Variants in DMD observed in about 807,000 individuals in gnomAD.
DMD encodes the protein dystrophin.
In DMD, 63 loss-of-function variants were observed where a neutral mutation model predicts 330.1. The observed-to-expected ratio is 0.19, with a 90% CI of 0.16 to 0.24. The LOEUF (loss-of-function observed/expected upper bound fraction) is 0.24. DMD is among the 10% of genes least tolerant of loss of function. The pLI is 1.00. For missense variants in DMD, 3,344 were observed against 2,684.1 expected (o/e 1.25, Z -5.43); for synonymous variants, 1,223 against 959.8 (o/e 1.27, Z -5.07).
intron 51 of DMD, among the ~76,000 whole-genome samples, chrX:31,749,123 T>A (rs190327788): frequency 7.8e-5 from 8 of 102,492 alleles, no homozygotes; most frequent in African/African-American, 2.2e-4. Flanking sequence ...TTTCTTTTTT[T>A]AATTATTTTG....
intron 1 of DMD, among the ~76,000 whole-genome samples, chrX:33,106,738 C>T (rs891724370): frequency 9.8e-5 from 11 of 111,777 alleles, no homozygotes; most frequent in African/African-American, 3.6e-4. Flanking sequence ...TATTCACTTC[C>T]AACAGAGATT....
At chrX:31,548,338 C>A (rs377085105) in intron 55 of DMD, among the ~76,000 whole-genome samples, 1 of 111,254 alleles carries the variant, frequency 9.0e-6, no homozygotes, top group African/African-American at 3.3e-5. Flanking sequence ...CTTGCCAGGT[C>A]ATTCTTAAGC....
At chrX:31,244,142 C>G (rs769605641) in intron 63 of DMD, among the ~76,000 whole-genome samples, 5 of 111,720 alleles carry the variant, frequency 4.5e-5, no homozygotes, top group Non-Finnish European at 9.4e-5. Context: ...CTTACAGAAA[C>G]CCATCATAAA....
intron 59 of DMD, among the ~76,000 whole-genome samples, chrX:31,462,412 G>A (rs1031574685): frequency 2.7e-5 from 3 of 111,474 alleles, no homozygotes; most frequent in Admixed American, 9.5e-5. Flanking sequence ...CCTGGGAGGC[G>A]GAGGTTGCAG....
At chrX:31,803,889 C>T (rs1164768864) in intron 50 of DMD, among the ~76,000 whole-genome samples, 1 of 108,037 alleles carries the variant, frequency 9.3e-6, no homozygotes, top group African/African-American at 3.4e-5. Context: ...AGTAGAGACA[C>T]GGTTTCTCCA....
intron 23 of DMD, among the ~76,000 whole-genome samples, chrX:32,468,241 A>G (rs1020571606): frequency 9.0e-6 from 1 of 111,170 alleles, no homozygotes; most frequent in Admixed American, 9.7e-5. Context: ...TTATTAAACT[A>G]AAAACATGTT....
At chrX:32,911,167 A>C (rs958541441) in intron 2 of DMD, among the ~76,000 whole-genome samples, 2 of 112,487 alleles carry the variant, frequency 1.8e-5, no homozygotes, top group Admixed American at 1.9e-4. Context: ...CTGAAGGTCC[A>C]TGATAGTGCC....
rs760048714 is a variant in DMD at position 31,836,794 on chromosome X, T to A, written c.7124A>T (p.Lys2375Ile). 1.7e-6 allele frequency: 2 copies of A among 1,211,434 alleles called. No homozygotes were observed. Among genetic ancestry groups the A allele is most frequent in the Non-Finnish European group, 2.2e-6 (2 of 895,135 alleles). ...VKETEIAVQAKQPDVEEILSK... is the reference protein window; with the variant it reads ...VKETEIAVQAIQPDVEEILSK... ...CAAAATCTCTTCCACATCCGGTTGT[T>A]TAGCTTGAACTGCTATTTCAGTTTC... is the stretch of plus-strand genomic sequence containing the variant. Residue 2375 changes from lysine to isoleucine, a missense_variant, in exon 49 of 79, where the codon AAA becomes ATA. Coordinates refer to ENST00000357033, the MANE Select transcript of DMD (RefSeq NM_004006.3).
intron 7 of DMD, among the ~76,000 whole-genome samples, chrX:32,723,269 G>A (rs1024954683): frequency 4.5e-5 from 5 of 111,063 alleles, no homozygotes; most frequent in Non-Finnish European, 9.5e-5. Flanking sequence ...TTGTGTCCTA[G>A]GGCTAAACCC....
chrX:32,738,008 C>G (rs1442210230), intron 7 of DMD, among the ~76,000 whole-genome samples: 1 of 111,323 alleles, frequency 9.0e-6, no homozygotes, highest in Non-Finnish European at 1.9e-5. Context: ...AGAGTTGATA[C>G]CATATAAATT....
At chrX:32,619,185 T>C (rs922586806) in intron 11 of DMD, among the ~76,000 whole-genome samples, 2 of 111,476 alleles carry the variant, frequency 1.8e-5, no homozygotes, top group Non-Finnish European at 3.8e-5. Context: ...TGGAGGATAT[T>C]ATGTTAAGTG....
intron 60 of DMD, among the ~76,000 whole-genome samples, chrX:31,422,155 G>T (rs1232519851): frequency 5.6e-5 from 6 of 106,510 alleles, no homozygotes; most frequent in Non-Finnish European, 1.2e-4. Context: ...ATGGGTGCAT[G>T]CCACCACACC....
At chrX:32,110,774 G>A (rs948981190) in intron 44 of DMD, among the ~76,000 whole-genome samples, 1 of 111,959 alleles carries the variant, frequency 8.9e-6, no homozygotes, top group African/African-American at 3.2e-5. Context: ...AGGTTCTTGG[G>A]TAAATCTGGT....
At chrX:32,040,221 C>T (rs1310604889) in intron 44 of DMD, among the ~76,000 whole-genome samples, 3 of 111,702 alleles carry the variant, frequency 2.7e-5, no homozygotes, top group African/African-American at 9.8e-5. Context: ...GTGACAAAAT[C>T]CTTCATAACT....
At chrX:31,926,150 T>A (rs2094772104) in intron 47 of DMD, among the ~76,000 whole-genome samples, 1 of 107,628 alleles carries the variant, frequency 9.3e-6, no homozygotes. Context: ...GAGGCTAGCT[T>A]TAATAACATC....
intron 52 of DMD, among the ~76,000 whole-genome samples, chrX:31,686,812 A>C (rs1360675680): frequency 8.9e-6 from 1 of 112,132 alleles, no homozygotes; most frequent in Non-Finnish European, 1.9e-5. Flanking sequence ...GGTCTCCCAC[A>C]TGACCTAGGG....
At chrX:32,335,661 CAT>C (rs760822630) in intron 41 of DMD, among the ~76,000 whole-genome samples, 2 of 107,594 alleles carry the variant, frequency 1.9e-5, no homozygotes, top group African/African-American at 3.3e-5. Context: ...ATATACATAA[CAT>C]ATACATAATA....
chrX:32,739,909 T>C (rs143276631), intron 7 of DMD, among the ~76,000 whole-genome samples: 97 of 110,374 alleles, frequency 8.8e-4, no homozygotes, highest in Middle Eastern at 4.6e-3. Context: ...CTCTAGGTTA[T>C]TCTGATGCAT....
intron 50 of DMD, among the ~76,000 whole-genome samples, chrX:31,782,030 G>A (rs1006802764): frequency 9.0e-6 from 1 of 111,001 alleles, no homozygotes; most frequent in African/African-American, 3.3e-5. Context: ...ATTGTTAAGG[G>A]CTTCTCTTTC....
Sources: allele counts gnomAD v4.1 joint callset (sites outside exome capture counted in the v4.1 genomes callset), GRCh38; gene constraint gnomAD v4.1.1; transcripts MANE v1.5; gene names NCBI Gene and HGNC (gene_info 2026-07-23, HGNC 2026-07-21).